The following TSPAN15 variants were observed in gnomAD, a reference collection of about 807,000 sequenced individuals.
The protein encoded by TSPAN15 is tetraspanin 15.
Under a neutral mutation model 34.5 loss-of-function variants are expected in TSPAN15, and 20 were observed. The ratio of observed to expected loss-of-function variants is 0.58; its 90% confidence interval spans 0.41 to 0.84. The LOEUF is 0.84. Ranked by LOEUF, TSPAN15 falls within the 40% of genes least tolerant of loss-of-function variation. The probability of loss-of-function intolerance (pLI) is 0.00; values close to 1 mark genes in which losing one functional copy is unlikely to be tolerated. For synonymous variants in TSPAN15, 155 were observed against 153.9 expected (o/e 1.01, Z -0.05); for missense variants, 313 against 386.1 (o/e 0.81, Z 1.59).
chr10:69,481,667 G>A (rs1841737729), intron 1 of TSPAN15, among the ~76,000 whole-genome samples: 1 of 152,204 alleles, frequency 6.6e-6, no homozygotes, highest in South Asian at 2.1e-4. Flanking sequence ...GTTTTGCATG[G>A]TGACACTGGG....
At chr10:69,464,359 T>C (rs1339807067) in intron 1 of TSPAN15, among the ~76,000 whole-genome samples, 3 of 151,126 alleles carry the variant, frequency 2.0e-5, no homozygotes, top group Non-Finnish European at 2.9e-5. Flanking sequence ...TGGGTTGTGC[T>C]GAAAACCAAG....
intron 1 of TSPAN15, among the ~76,000 whole-genome samples, chr10:69,478,238 G>A (rs1239641930): frequency 6.6e-6 from 1 of 152,190 alleles, no homozygotes; most frequent in African/African-American, 2.4e-5. Flanking sequence ...TGGGCCTCGG[G>A]ACAGAGGGCC....
At chr10:69,486,268 C>G (rs1841851679) in intron 3 of TSPAN15, among the ~76,000 whole-genome samples, 1 of 152,256 alleles carries the variant, frequency 6.6e-6, no homozygotes, top group East Asian at 1.9e-4. Flanking sequence ...TGCATTGCTG[C>G]CATAGGTGGG....
chr10:69,493,470 CTTTTTTT>C (rs5785919), intron 3 of TSPAN15, among the ~76,000 whole-genome samples: 1 of 118,796 alleles, frequency 8.4e-6, no homozygotes, highest in Non-Finnish European at 1.7e-5. Flanking sequence ...AGCCCATCTC[CTTTTTTT>C]TTTTTTTTTT....
the TSPAN15 span, among the ~76,000 whole-genome samples, chr10:69,548,027 G>A: frequency 3.2e-3 from 490 of 152,340 alleles, 1 homozygote; most frequent in African/African-American, 0.011. Context: ...TCTGAAGGGA[G>A]AGGCTTGAAT....
intron 3 of TSPAN15, among the ~76,000 whole-genome samples, chr10:69,488,940 C>G (rs1418001844): frequency 6.6e-6 from 1 of 152,164 alleles, no homozygotes; most frequent in Non-Finnish European, 1.5e-5. Flanking sequence ...TGATAAACAT[C>G]TTAAACAACA....
chr10:69,502,415 G>A (rs1364098660), intron 5 of TSPAN15, among the ~76,000 whole-genome samples: 1 of 152,094 alleles, frequency 6.6e-6, no homozygotes, highest in East Asian at 1.9e-4. Context: ...GGCCTGTCGC[G>A]AAGGCCCCTC....
intron 5 of TSPAN15, 45 bp from the exon 6 acceptor site, chr10:69,504,393 G>T: frequency 6.3e-7 from 1 of 1,580,998 alleles, no homozygotes; most frequent in Non-Finnish European, 8.7e-7. Flanking sequence ...GCCTTTTTGA[G>T]TTAGAACCAT....
chr10:69,456,933 A>T (rs1381483198), intron 1 of TSPAN15, among the ~76,000 whole-genome samples: 1 of 152,138 alleles, frequency 6.6e-6, no homozygotes, highest in African/African-American at 2.4e-5. Context: ...CAGAGCTGGC[A>T]TGTACCCCAG....
At chr10:69,502,532 C>T (rs2133158754) in intron 5 of TSPAN15, among the ~76,000 whole-genome samples, 1 of 152,310 alleles carries the variant, frequency 6.6e-6, no homozygotes, top group Non-Finnish European at 1.5e-5. Context: ...ACTTCCTGTC[C>T]TGTGGCCCCG....
chr10:69,467,745 C>T (rs550292381), intron 1 of TSPAN15, among the ~76,000 whole-genome samples: 1 of 152,144 alleles, frequency 6.6e-6, no homozygotes, highest in South Asian at 2.1e-4. Flanking sequence ...TAGTTATAGC[C>T]ACAACACCAT....
downstream of TSPAN15, among the ~76,000 whole-genome samples, chr10:69,509,235 T>C (rs971374194): frequency 6.7e-6 from 1 of 150,008 alleles, no homozygotes; most frequent in Non-Finnish European, 1.5e-5. Flanking sequence ...GACACCCCTC[T>C]ACCTCACACT....
At chr10:69,541,090 G>A in the TSPAN15 span, among the ~76,000 whole-genome samples, 1 of 152,162 alleles carries the variant, frequency 6.6e-6, no homozygotes, top group Non-Finnish European at 1.5e-5. Flanking sequence ...GCAGATGGAG[G>A]GGAAGGAGTC....
Position 69,507,521 on chromosome 10 carries a change from C to G in TSPAN15, c.*543C>G, listed in dbSNP as rs765627962. 1 of 1,304,048 alleles carries G rather than the reference C, an allele frequency of 7.7e-7. No homozygotes were observed. Among genetic ancestry groups the G allele is most frequent in the African/African-American group, 1.5e-5 (1 of 65,842 alleles). The allele number at this position is 1,304,048 out of a possible 1,614,324, so 80.8% of individuals were successfully genotyped here. A position where few individuals can be genotyped will look rare whatever the true frequency, so the allele number is the denominator to read the frequency against. On this transcript the variant is annotated 3_prime_UTR_variant, in exon 8 of 8. Transcript: ENST00000373290. ...TGCTTCCTTGAGCCTAGTTTTTTTACGTGATTTTTGTAACATTCATTTTTT... is the reference window on the plus strand; with the variant it reads ...TGCTTCCTTGAGCCTAGTTTTTTTAGGTGATTTTTGTAACATTCATTTTTT...
At chr10:69,529,506 T>C in the TSPAN15 span, among the ~76,000 whole-genome samples, 1 of 147,930 alleles carries the variant, frequency 6.8e-6, no homozygotes, top group Non-Finnish European at 1.5e-5. Context: ...CTCTATACTA[T>C]TAATAAGGTA....
intron 1 of TSPAN15, among the ~76,000 whole-genome samples, chr10:69,467,751 A>G (rs569839601): frequency 6.6e-6 from 1 of 152,194 alleles, no homozygotes; most frequent in South Asian, 2.1e-4. Context: ...TAGCCACAAC[A>G]CCATTATCAT....
chr10:69,527,297 A>T, the TSPAN15 span, among the ~76,000 whole-genome samples: 1 of 147,766 alleles, frequency 6.8e-6, no homozygotes, highest in African/African-American at 2.5e-5. Flanking sequence ...TGATGAGCTA[A>T]AAAATTTAAG....
intron 1 of TSPAN15, among the ~76,000 whole-genome samples, chr10:69,472,449 T>A (rs1841526713): frequency 6.6e-6 from 1 of 152,214 alleles, no homozygotes; most frequent in Non-Finnish European, 1.5e-5. Context: ...GATTCCCACA[T>A]GTGTTGGTGT....
intron 4 of TSPAN15, among the ~76,000 whole-genome samples, chr10:69,497,523 C>T (rs886198341): frequency 1.2e-4 from 18 of 152,332 alleles, no homozygotes; most frequent in East Asian, 5.8e-4. Context: ...CCTTTCATGA[C>T]CTGCCAACCT....
Sources: gnomAD v4.1 joint callset for allele counts (sites outside exome capture counted in the v4.1 genomes callset) on GRCh38, gnomAD v4.1.1 for gene constraint, MANE v1.5 for transcripts, NCBI Gene and HGNC (gene_info 2026-07-23, HGNC 2026-07-21) for gene names.